The following ZNF84 variants were observed in gnomAD, a reference collection of about 807,000 sequenced individuals.
The protein encoded by ZNF84 is zinc finger protein HPF2.
In ZNF84, 12 loss-of-function variants were observed where a neutral mutation model predicts 14.8. The observed-to-expected ratio is 0.81, with a 90% CI of 0.52 to 1.31. The LOEUF (loss-of-function observed/expected upper bound fraction) is 1.31, where lower values mean the gene tolerates loss of function less well. ZNF84 is among the 50% of genes most tolerant of loss of function. The pLI is 0.00. For missense variants in ZNF84, 859 were observed against 878.6 expected (o/e 0.98, Z 0.28); for synonymous variants, 347 against 291.1 (o/e 1.19, Z -1.96).
intron 1 of ZNF84, chr12:133,038,778 A>G (rs1006717284): frequency 2.0e-5 from 3 of 152,116 alleles, no homozygotes; most frequent in African/African-American, 4.8e-5. Flanking sequence ...TATGCTTCAT[A>G]TGGGTCTTGA....
Position 133,041,413 on chromosome 12 carries a change from G to A in ZNF84, c.-55G>A. 1 of 1,600,948 alleles carries A rather than the reference G, an allele frequency of 6.2e-7. No individual in the cohort carries two copies. Among genetic ancestry groups the A allele is most frequent in the Non-Finnish European group, 8.6e-7 (1 of 1,168,280 alleles). Reference sequence around the variant, plus strand: ...ACAGTTTTGGGGCAGAAGCAGAAGAGACGCACAGTAGAACCGATCTCAGCC... The same window carrying A: ...ACAGTTTTGGGGCAGAAGCAGAAGAAACGCACAGTAGAACCGATCTCAGCC... On this transcript the variant is annotated 5_prime_UTR_variant, in exon 2 of 5. Coordinates refer to ENST00000539354, the MANE Select transcript of ZNF84 (RefSeq NM_001289971.2).
chr12:133,041,878 TTATGAATGAGAGA>T (rs1953894779), intron 2 of ZNF84, among the ~76,000 whole-genome samples: 1 of 152,244 alleles, frequency 6.6e-6, no homozygotes, highest in Non-Finnish European at 1.5e-5. Context: ...TGATGAAGTC[TTATGAATGAGAGA>T]TATGCAGTAG....
intron 1 of ZNF84, among the ~76,000 whole-genome samples, chr12:133,038,250 A>C (rs1953823196): frequency 6.6e-6 from 1 of 151,764 alleles, no homozygotes. Flanking sequence ...TGGCTTTGAA[A>C]TGCTACATTT....
intron 4 of ZNF84, among the ~76,000 whole-genome samples, chr12:133,049,551 T>G (rs1954039446): frequency 6.6e-6 from 1 of 152,120 alleles, no homozygotes; most frequent in South Asian, 2.1e-4. Flanking sequence ...TGGTGCGATC[T>G]TGGCTCACTA....
chr12:133,043,911 C>A (rs1953931698), intron 2 of ZNF84, among the ~76,000 whole-genome samples: 1 of 148,452 alleles, frequency 6.7e-6, no homozygotes, highest in Admixed American at 6.7e-5. Context: ...GCCACCACAC[C>A]CAGCTAATTC....
chr12:133,046,932 TATA>T (rs1184803619), intron 2 of ZNF84, among the ~76,000 whole-genome samples: 22 of 142,996 alleles, frequency 1.5e-4, no homozygotes, highest in Admixed American at 6.1e-4. Flanking sequence ...TTATTTTTAA[TATA>T]ATATTTATAT....
At chr12:133,040,272 A>G (rs1241092266) in intron 1 of ZNF84, among the ~76,000 whole-genome samples, 4 of 152,220 alleles carry the variant, frequency 2.6e-5, no homozygotes, top group South Asian at 2.1e-4. Flanking sequence ...ATACCAAAAG[A>G]ATGCTGAAGC....
At chr12:133,056,394 C>T (rs1368291522) in intron 4 of ZNF84, among the ~76,000 whole-genome samples, 3 of 152,052 alleles carry the variant, frequency 2.0e-5, no homozygotes, top group Non-Finnish European at 2.9e-5. Context: ...GCTGGGACTA[C>T]AGGCGCCCAC....
intron 4 of ZNF84, 34 bp downstream of exon 4, chr12:133,048,882 G>C (rs1421176884): frequency 6.4e-7 from 1 of 1,560,342 alleles, no homozygotes; most frequent in Non-Finnish European, 8.8e-7. Context: ...ATGGGAGAGA[G>C]CAGAAGCCCC....
Position 133,048,798 on chromosome 12 carries a change from G to T in ZNF84, c.188G>T (p.Gly63Val). ...GATGTCATCTTCAAATTGGAGCAAGGAGAAGAGCCGTGGGTAGGAGATGGA... is the reference window on the plus strand; with the variant it reads ...GATGTCATCTTCAAATTGGAGCAAGTAGAAGAGCCGTGGGTAGGAGATGGA... Reference protein sequence around the residue: ...KPDVIFKLEQGEEPWVGDGEI... With the variant: ...KPDVIFKLEQVEEPWVGDGEI... Residue 63 changes from glycine to valine, a missense_variant, in exon 4 of 5, where the codon GGA (glycine) becomes GTA (valine). Coordinates refer to ENST00000539354, the MANE Select transcript of ZNF84 (RefSeq NM_001289971.2). 6.2e-7 allele frequency: 1 copy of T among 1,613,880 alleles called. No individual in the cohort carries two copies.
intron 4 of ZNF84, 42 bp downstream of exon 4, chr12:133,048,890 C>A: frequency 6.5e-7 from 1 of 1,527,136 alleles, no homozygotes. Flanking sequence ...GAGCAGAAGC[C>A]CCATGTCATC....
At position 133,058,551 on chromosome 12, in the gene ZNF84, G is replaced by A. The variant is rs901261849; in HGVS notation, c.1836G>A (p.Ser612=). 3.2e-4 allele frequency: 523 copies of A among 1,613,684 alleles called. No homozygotes were observed. Among genetic ancestry groups the A allele is most frequent in the Non-Finnish European group, 4.0e-4 (471 of 1,179,908 alleles). ...GTAGGAAAGCTTTTTTTGAGAAGTCGGAGCTAATTAGACATCTGAGAACTC... is the reference window on the plus strand; with the variant it reads ...GTAGGAAAGCTTTTTTTGAGAAGTCAGAGCTAATTAGACATCTGAGAACTC... ...SLCRKAFFEK[S]ELIRHLRTHT... is the part of the protein sequence containing the mutation. The change falls in exon 5 of 5, where the codon TCG becomes TCA. Residue 612 remains serine (S), a synonymous_variant. Transcript: ENST00000539354.
At chr12:133,042,181 A>G (rs1953899165) in intron 2 of ZNF84, among the ~76,000 whole-genome samples, 1 of 152,184 alleles carries the variant, frequency 6.6e-6, no homozygotes, top group Non-Finnish European at 1.5e-5. Flanking sequence ...GTATTTTAGT[A>G]GCCCTTATTT....
At chr12:133,049,248 C>G (rs201557938) in intron 4 of ZNF84, among the ~76,000 whole-genome samples, 1 of 152,058 alleles carries the variant, frequency 6.6e-6, no homozygotes, top group Non-Finnish European at 1.5e-5. Context: ...CATTCAGTCC[C>G]TCCTTCCCCT....
chr12:133,042,865 A>G (rs1953909979), intron 2 of ZNF84, among the ~76,000 whole-genome samples: 1 of 152,170 alleles, frequency 6.6e-6, no homozygotes, highest in Non-Finnish European at 1.5e-5. Flanking sequence ...TGAAATCACC[A>G]CTCAGATCAG....
intron 4 of ZNF84, among the ~76,000 whole-genome samples, chr12:133,053,761 G>GTTTTT (rs2137399611): frequency 6.6e-6 from 1 of 152,068 alleles, no homozygotes; most frequent in East Asian, 1.9e-4. Flanking sequence ...AAATTAATAT[G>GTTTTT]TTTATAATGG....
chr12:133,038,267 T>A (rs985208548), intron 1 of ZNF84, among the ~76,000 whole-genome samples: 1 of 136,114 alleles, frequency 7.3e-6, no homozygotes, highest in Admixed American at 8.1e-5. Flanking sequence ...ATTTATTGCA[T>A]GCTGACTCTT....
chr12:133,051,371 A>G (rs923763041), intron 4 of ZNF84, among the ~76,000 whole-genome samples: 6 of 152,276 alleles, frequency 3.9e-5, no homozygotes, highest in Middle Eastern at 3.4e-3. Context: ...TGGAGAGCCT[A>G]ATTATCAAGA....
intron 2 of ZNF84, among the ~76,000 whole-genome samples, chr12:133,046,536 C>T (rs1470793196): frequency 2.0e-5 from 3 of 152,050 alleles, no homozygotes; most frequent in African/African-American, 7.2e-5. Context: ...TTTATCCACA[C>T]TGTGCTCTCC....
Sources: allele counts gnomAD v4.1 joint callset (sites outside exome capture counted in the v4.1 genomes callset), GRCh38; gene constraint gnomAD v4.1.1; transcripts MANE v1.5; gene names NCBI Gene and HGNC (gene_info 2026-07-23, HGNC 2026-07-21).